The following NAV3 variants were observed in gnomAD, a reference collection of about 807,000 sequenced individuals.
NAV3 encodes pore membrane and/or filament interacting like protein 1.
In NAV3, 87 loss-of-function variants were observed where a neutral mutation model predicts 244.7. The observed-to-expected ratio is 0.36, with a 90% CI of 0.30 to 0.42. NAV3 has a LOEUF of 0.42. NAV3 is among the 20% of genes least tolerant of loss of function. NAV3 has a pLI of 1.00. For missense variants in NAV3, 2,663 were observed against 2,893.3 expected (o/e 0.92, Z 1.83); for synonymous variants, 1,126 against 1,042.2 (o/e 1.08, Z -1.55).
chr12:77,941,203 G>T, intron 3 of NAV3, 70 bp downstream of exon 3: 1 of 980,354 alleles, frequency 1.0e-6, no homozygotes, highest in Admixed American at 2.4e-5. Context: ...ATTTGTAAAT[G>T]GATATTATTT....
intron 1 of NAV3, among the ~76,000 whole-genome samples, chr12:77,929,356 T>C (rs1888545907): frequency 6.6e-6 from 1 of 152,160 alleles, no homozygotes; most frequent in Non-Finnish European, 1.5e-5. Flanking sequence ...CCACATTGCA[T>C]AGCTCTGGCT....
chr12:77,959,129 C>A (rs1466194864), intron 3 of NAV3, among the ~76,000 whole-genome samples: 1 of 152,062 alleles, frequency 6.6e-6, no homozygotes, highest in African/African-American at 2.4e-5. Flanking sequence ...CAGTTAGTTT[C>A]TTTGAAGAAC....
At chr12:77,655,238 A>G (rs1473167107) in intron 2 of NAV3, among the ~76,000 whole-genome samples, 3 of 152,174 alleles carry the variant, frequency 2.0e-5, no homozygotes, top group Non-Finnish European at 4.4e-5. Flanking sequence ...TAACTAGAAT[A>G]ACCAATACAG....
At chr12:78,209,600 T>C (rs1449446123) in intron 39 of NAV3, among the ~76,000 whole-genome samples, 1 of 151,978 alleles carries the variant, frequency 6.6e-6, no homozygotes, top group African/African-American at 2.4e-5. Context: ...CTATCAAAAT[T>C]CAAGCAATGT....
In NAV3 at chr12:77,888,424, C is replaced by T. The variant is rs185531086; in HGVS notation, c.244-51895C>T. Among the ~76,000 whole-genome samples, 591 of 152,206 alleles carry T rather than the reference C, an allele frequency of 3.9e-3. 8 individuals carry two copies. The highest frequency in any genetic ancestry group is 6.3e-3 in the Non-Finnish European group (428 of 68,010). On this transcript the variant is annotated intron_variant, in intron 1 of 39. Coordinates refer to ENST00000397909, the MANE Select transcript of NAV3 (RefSeq NM_001024383.2). The stretch of plus-strand genomic sequence containing the variant: ...CCTAGGAGGTCAAGACTGCAGTGAG[C>T]CGCGATCATGTCACTGCACTCCAGC...
At chr12:78,072,009 C>G (rs1389958603) in intron 12 of NAV3, among the ~76,000 whole-genome samples, 7 of 152,222 alleles carry the variant, frequency 4.6e-5, no homozygotes, top group Non-Finnish European at 7.4e-5. Context: ...CACAACATAC[C>G]AGAATCTCTG....
chr12:77,865,636 A>G (rs941227168), intron 1 of NAV3, among the ~76,000 whole-genome samples: 11 of 152,090 alleles, frequency 7.2e-5, no homozygotes, highest in African/African-American at 2.4e-4. Context: ...TATTTAGGGT[A>G]TTTAGACGTT....
intron 1 of NAV3, among the ~76,000 whole-genome samples, chr12:77,871,878 G>A (rs1881025817): frequency 6.6e-6 from 1 of 152,126 alleles, no homozygotes; most frequent in African/African-American, 2.4e-5. Flanking sequence ...CTTCCACAAT[G>A]GTTGAACTAA....
chr12:77,757,971 T>C (rs552908920), intron 2 of NAV3, among the ~76,000 whole-genome samples: 1 of 152,306 alleles, frequency 6.6e-6, no homozygotes, highest in Non-Finnish European at 1.5e-5. Context: ...TTCAAAGTGA[T>C]CTGACCCCGT....
intron 12 of NAV3, among the ~76,000 whole-genome samples, chr12:78,093,953 A>T (rs1329870402): frequency 6.6e-6 from 1 of 152,154 alleles, no homozygotes; most frequent in East Asian, 1.9e-4. Context: ...ACTTGGGCTC[A>T]AACAGTCTTC....
At chr12:77,857,773 G>A (rs7313572) in intron 1 of NAV3, among the ~76,000 whole-genome samples, 63,481 of 151,594 alleles carry the variant, frequency 0.42, 14,350 homozygotes, top group Non-Finnish European at 0.5. Flanking sequence ...CTGAAAACTA[G>A]GGATAGTAAA....
intron 5 of NAV3, among the ~76,000 whole-genome samples, chr12:77,974,512 G>A (rs1893295934): frequency 6.6e-6 from 1 of 151,624 alleles, no homozygotes; most frequent in African/African-American, 2.4e-5. Context: ...TGGCCATGGT[G>A]GTCTCAAGCT....
At chr12:78,188,109 G>A in intron 31 of NAV3, 139 bp from the exon 32 acceptor site, 2 of 624,924 alleles carry the variant, frequency 3.2e-6, no homozygotes, top group East Asian at 2.8e-5. Flanking sequence ...CACCATGTGT[G>A]TCTGTTACTA....
chr12:78,172,299 T>C (rs1186102377), intron 24 of NAV3, among the ~76,000 whole-genome samples: 2 of 151,694 alleles, frequency 1.3e-5, no homozygotes, highest in African/African-American at 4.8e-5. Flanking sequence ...TAGGCAAACA[T>C]AGTTATATTG....
chr12:77,624,150 A>G (rs754577105), intron 2 of NAV3, among the ~76,000 whole-genome samples: 56 of 152,208 alleles, frequency 3.7e-4, no homozygotes, highest in Non-Finnish European at 6.9e-4. Flanking sequence ...AGGGCTAACC[A>G]GGAAAGGATT....
At chr12:77,872,982 A>G (rs1282942344) in intron 1 of NAV3, among the ~76,000 whole-genome samples, 4 of 152,174 alleles carry the variant, frequency 2.6e-5, no homozygotes, top group Non-Finnish European at 5.9e-5. Flanking sequence ...ACCCCGCAGG[A>G]GGTAATTGAT....
At chr12:77,659,503 C>G (rs1873320311) in intron 2 of NAV3, among the ~76,000 whole-genome samples, 1 of 152,188 alleles carries the variant, frequency 6.6e-6, no homozygotes, top group Non-Finnish European at 1.5e-5. Context: ...CACTTTTACA[C>G]TGTTGTTGGG....
intron 2 of NAV3, among the ~76,000 whole-genome samples, chr12:77,773,230 T>TG (rs1870185167): frequency 5.9e-5 from 1 of 17,082 alleles, no homozygotes; most frequent in African/African-American, 6.9e-5. Flanking sequence ...CTAAAAGCAT[T>TG]GTTTTTTTTT....
At chr12:77,732,909 A>G (rs938787284) in intron 2 of NAV3, among the ~76,000 whole-genome samples, 1 of 152,080 alleles carries the variant, frequency 6.6e-6, no homozygotes, top group South Asian at 2.1e-4. Context: ...ATGCACATTT[A>G]AAGAGTACAT....
Sources: allele counts gnomAD v4.1 joint callset (sites outside exome capture counted in the v4.1 genomes callset), GRCh38; gene constraint gnomAD v4.1.1; transcripts MANE v1.5; gene names NCBI Gene and HGNC (gene_info 2026-07-23, HGNC 2026-07-21).